The following SLC35F4 variants were observed in gnomAD, a reference collection of about 807,000 sequenced individuals.
SLC35F4 encodes solute carrier family 35 member F4.
A neutral mutation model predicts 44.2 loss-of-function variants in SLC35F4; 24 were observed. The ratio of observed to expected loss-of-function variants is 0.54; its 90% confidence interval spans 0.39 to 0.76. SLC35F4 has a LOEUF of 0.76. SLC35F4 is among the 30% of genes least tolerant of loss of function. The pLI, the probability that SLC35F4 is intolerant of heterozygous loss-of-function variation, is 0.00. For synonymous variants in SLC35F4, 238 were observed against 223.6 expected (o/e 1.06, Z -0.57); for missense variants, 562 against 586.1 (o/e 0.96, Z 0.42).
chr14:57,633,619 C>A (rs963718639), intron 1 of SLC35F4, among the ~76,000 whole-genome samples: 1 of 152,058 alleles, frequency 6.6e-6, no homozygotes, highest in South Asian at 2.1e-4. Context: ...ATTTGTGTAA[C>A]CACCACCATA....
chr14:57,890,421 C>A (rs1049342772), intron 1 of SLC35F4, among the ~76,000 whole-genome samples: 1 of 152,094 alleles, frequency 6.6e-6, no homozygotes, highest in African/African-American at 2.4e-5. Context: ...AATACAGAAA[C>A]CAACAAAGCA....
intron 3 of SLC35F4, among the ~76,000 whole-genome samples, chr14:57,581,755 A>ATCAC (rs1168512122): frequency 2.2e-4 from 33 of 152,214 alleles, no homozygotes; most frequent in African/African-American, 7.7e-4. Flanking sequence ...AGTTGCTGAA[A>ATCAC]TCACTAGCTA....
chr14:57,593,678 T>A (rs974118112), intron 2 of SLC35F4, among the ~76,000 whole-genome samples: 1 of 152,206 alleles, frequency 6.6e-6, no homozygotes, highest in Non-Finnish European at 1.5e-5. Flanking sequence ...CCTTGTAAAC[T>A]TCACCAGGAG....
At chr14:57,810,948 G>C (rs1297603774) in intron 1 of SLC35F4, among the ~76,000 whole-genome samples, 1 of 152,162 alleles carries the variant, frequency 6.6e-6, no homozygotes, top group Non-Finnish European at 1.5e-5. Context: ...GTGACAAACT[G>C]ACTTATTAAG....
intron 1 of SLC35F4, among the ~76,000 whole-genome samples, chr14:57,823,475 G>A (rs888525191): frequency 4.6e-4 from 70 of 152,286 alleles, no homozygotes; most frequent in Admixed American, 3.6e-3. Flanking sequence ...TTTGAATCAC[G>A]CTCCAGGGGA....
rs1445205871 is a variant in SLC35F4, at chr14:57,564,224, C to T, written c.1369G>A (p.Glu457Lys). ...FINSLKEKKS[E>K]EHVDDVTDPS... ...TCAGTCACATCATCCACATGCTCCT[C>T]ACTCTTCTTTTCCTTCAGGCTGTTG... Residue 457 changes from glutamate (E) to lysine (K), a missense_variant, in exon 8 of 8, where the codon GAG (glutamate) becomes AAG (lysine). Physicochemically the swap from Glu to Lys is moderately conservative, Grantham distance 56 (BLOSUM62 1). Transcript: ENST00000556826. The T allele has an allele frequency of 6.2e-7, 1 of 1,613,598 alleles. No homozygotes were observed. The highest frequency in any genetic ancestry group is 2.2e-5 in the East Asian group (1 of 44,836).
chr14:57,649,221 T>C (rs1232129802), intron 1 of SLC35F4, among the ~76,000 whole-genome samples: 1 of 152,236 alleles, frequency 6.6e-6, no homozygotes, highest in Non-Finnish European at 1.5e-5. Context: ...TAGTTTCCTC[T>C]TGCGGCTGTA....
chr14:57,734,754 C>T (rs1034117886), intron 1 of SLC35F4, among the ~76,000 whole-genome samples: 1 of 152,054 alleles, frequency 6.6e-6, no homozygotes, highest in African/African-American at 2.4e-5. Context: ...GAAAAAAAAT[C>T]CTAAAGTAGA....
At chr14:57,891,735 G>A (rs1405560883) in intron 1 of SLC35F4, among the ~76,000 whole-genome samples, 1 of 152,000 alleles carries the variant, frequency 6.6e-6, no homozygotes, top group East Asian at 1.9e-4. Flanking sequence ...AATTAGTTGG[G>A]CATGGTGGCA....
At chr14:57,841,776 T>A (rs571186550) in intron 1 of SLC35F4, among the ~76,000 whole-genome samples, 1 of 152,158 alleles carries the variant, frequency 6.6e-6, no homozygotes, top group South Asian at 2.1e-4. Flanking sequence ...AAACACATTG[T>A]GCAAGATATC....
chr14:57,670,362 G>A (rs900239480), intron 1 of SLC35F4, among the ~76,000 whole-genome samples: 1 of 151,890 alleles, frequency 6.6e-6, no homozygotes, highest in African/African-American at 2.4e-5. Context: ...GTTATTTCTT[G>A]CCTTCTGCTG....
At chr14:57,624,601 C>T (rs1171086700) in intron 1 of SLC35F4, among the ~76,000 whole-genome samples, 1 of 152,158 alleles carries the variant, frequency 6.6e-6, no homozygotes, top group African/African-American at 2.4e-5. Flanking sequence ...AAAAGTTTAT[C>T]CACCATGTTC....
intron 1 of SLC35F4, among the ~76,000 whole-genome samples, chr14:57,688,528 C>T (rs1347898945): frequency 6.6e-6 from 1 of 152,128 alleles, no homozygotes; most frequent in Non-Finnish European, 1.5e-5. Flanking sequence ...CAGAATACAA[C>T]CACATATGTT....
At chr14:57,903,236 T>C (rs147235767) in intron 1 of SLC35F4, among the ~76,000 whole-genome samples, 106 of 152,286 alleles carry the variant, frequency 7.0e-4, no homozygotes, top group African/African-American at 2.4e-3. Context: ...TGGGAATTTG[T>C]AGCCAAGGAA....
Position 57,670,902 on chromosome 14 carries a change from C to CTTTTTT in SLC35F4, c.104-76784_104-76779dup, listed in dbSNP as rs35951590. ...GGAGCTTCTTGGTAACTCATTCATT[C>CTTTTTT]TTTTTTTTTTTTTTTTTTTTGAGAC... On this transcript the variant is annotated intron_variant, in intron 1 of 7. Coordinates refer to ENST00000556826, the MANE Select transcript of SLC35F4 (RefSeq NM_001306087.2). 2.0e-3 allele frequency among the ~76,000 whole-genome samples: 213 copies of CTTTTTT among 107,252 alleles called. 4 individuals are homozygous for CTTTTTT. Among genetic ancestry groups the CTTTTTT allele is most frequent in the Non-Finnish European group, 2.6e-3 (148 of 56,110 alleles). The allele number at this position is 107,252 out of a possible 152,430, so 70.4% of individuals were successfully genotyped here.
rs76739430 is a variant in SLC35F4 at position 57,648,912 on chromosome 14, A to T, written c.104-54788T>A. 3.9e-3 allele frequency among the ~76,000 whole-genome samples: 587 copies of T among 152,290 alleles called. 2 individuals carry two copies. Among genetic ancestry groups the T allele is most frequent in the Middle Eastern group, 6.8e-3 (2 of 294 alleles). ...AACTGCGTGCACTGTATTTCTATTT[A>T]CTAAATCTGACAGACCTACGACTCA... On this transcript the variant is annotated intron_variant, in intron 1 of 7. Transcript: ENST00000556826.
At chr14:57,662,176 A>T (rs1164996103) in intron 1 of SLC35F4, among the ~76,000 whole-genome samples, 1 of 152,164 alleles carries the variant, frequency 6.6e-6, no homozygotes, top group Non-Finnish European at 1.5e-5. Context: ...TATAACTTGG[A>T]TTCAACCTCT....
intron 1 of SLC35F4, among the ~76,000 whole-genome samples, chr14:57,965,492 C>T (rs57667881): frequency 0.28 from 43,222 of 152,024 alleles, 6,713 homozygotes; most frequent in African/African-American, 0.42. Flanking sequence ...AGATCACATA[C>T]CCACAGGTTC....
At chr14:57,915,009 G>A (rs1032673018) in intron 1 of SLC35F4, among the ~76,000 whole-genome samples, 3 of 152,136 alleles carry the variant, frequency 2.0e-5, no homozygotes, top group Admixed American at 1.3e-4. Context: ...CCAAGTGGAG[G>A]AAACCATGCC....
Sources: gnomAD v4.1 joint callset for allele counts (sites outside exome capture counted in the v4.1 genomes callset) on GRCh38, gnomAD v4.1.1 for gene constraint, MANE v1.5 for transcripts, NCBI Gene and HGNC (gene_info 2026-07-23, HGNC 2026-07-21) for gene names.